Variants in COL4A2 observed in about 807,000 individuals in gnomAD.
The protein encoded by COL4A2 is collagen alpha-2(IV) chain.
Under a neutral mutation model 200.2 loss-of-function variants are expected in COL4A2, and 99 were observed. The observed-to-expected ratio is 0.49, with a 90% CI of 0.42 to 0.58. The LOEUF (loss-of-function observed/expected upper bound fraction) is 0.58. Ranked by LOEUF, COL4A2 falls within the 20% of genes least tolerant of loss-of-function variation. COL4A2 has a pLI of 0.00. For missense variants in COL4A2, 1,950 were observed against 2,314.1 expected, an observed-to-expected ratio of 0.84 and a Z score of 3.23; for synonymous variants, 897 against 900.6, an observed-to-expected ratio of 1.00 and a Z score of 0.07.
intron 3 of COL4A2, among the ~76,000 whole-genome samples, chr13:110,308,718 T>C (rs1480655793): frequency 1.3e-5 from 2 of 152,128 alleles, no homozygotes; most frequent in Admixed American, 1.3e-4. Flanking sequence ...ACTGGGATCC[T>C]GTTCGCCGAG....
At chr13:110,455,410 A>G (rs924009082) in intron 20 of COL4A2, among the ~76,000 whole-genome samples, 1 of 151,988 alleles carries the variant, frequency 6.6e-6, no homozygotes, top group Non-Finnish European at 1.5e-5. Flanking sequence ...TTGAAGCATC[A>G]CTTCCTCAGA....
chr13:110,378,218 A>C (rs761405909), intron 4 of COL4A2, among the ~76,000 whole-genome samples: 70 of 152,214 alleles, frequency 4.6e-4, no homozygotes, highest in Non-Finnish European at 2.4e-4. Flanking sequence ...ATCTCCCTTT[A>C]TTCAAGGTCT....
chr13:110,504,226 A>G lies in COL4A2; in HGVS notation c.4364A>G (p.Glu1455Gly). 1 of 1,614,056 alleles carries G rather than the reference A, an allele frequency of 6.2e-7. No individual in the cohort carries two copies. Among genetic ancestry groups the G allele is most frequent in the Non-Finnish European group, 8.5e-7 (1 of 1,180,004 alleles). The change falls in exon 45 of 48, where the codon GAA becomes GGA. Residue 1455 changes from glutamate to glycine, a missense_variant. Physicochemically the swap from Glu to Gly is moderately conservative, Grantham distance 98 (BLOSUM62 -2). Coordinates refer to ENST00000360467, the MANE Select transcript of COL4A2 (RefSeq NM_001846.4). ...GCTGTTCCCGGCTTCCGGGGAGATG[A>G]AGGACCCATAGGCCACCAGGGGCCG... The part of the protein sequence containing the change: ...VSAVPGFRGD[E>G]GPIGHQGPIG...
intron 4 of COL4A2, among the ~76,000 whole-genome samples, chr13:110,404,578 A>G (rs1464762518): frequency 6.6e-6 from 1 of 152,208 alleles, no homozygotes; most frequent in African/African-American, 2.4e-5. Flanking sequence ...CAAGGCTCAC[A>G]GGAGGGTCCC....
At chr13:110,507,580 C>T (rs904653634) in intron 46 of COL4A2, 1 of 304,176 alleles carries the variant, frequency 3.3e-6, no homozygotes, top group Non-Finnish European at 6.2e-6. Context: ...CAAAGAGCGA[C>T]CCCTTGGAGG....
intron 6 of COL4A2, among the ~76,000 whole-genome samples, 157 bp from the exon 7 acceptor site, chr13:110,428,310 A>C (rs1880543400): frequency 1.3e-5 from 2 of 152,150 alleles, no homozygotes; most frequent in African/African-American, 4.8e-5. Context: ...CACTTATTTA[A>C]TCTTTCATTC....
intron 3 of COL4A2, among the ~76,000 whole-genome samples, chr13:110,325,510 ATAG>A (rs1233702778): frequency 6.6e-6 from 1 of 152,248 alleles, no homozygotes; most frequent in East Asian, 1.9e-4. Context: ...CAGATAGATC[ATAG>A]AAGTGTCTCC....
chr13:110,424,932 T>C lies in COL4A2; in HGVS notation c.316-21T>C, dbSNP rs1038417919. 3.7e-6 allele frequency: 6 copies of C among 1,614,100 alleles called. No individual in the cohort carries two copies. The African/African-American group carries it at 4.0e-5, about 11-fold the overall frequency. ...TGGCGGGTATCTCAGCCTTGGTTAA[T>C]TGCATTTGCTTTCTTCATAGGGAGC... is the stretch of plus-strand genomic sequence containing the variant. On this transcript the variant is annotated intron_variant, in intron 5 of 47. Coordinates refer to ENST00000360467, the MANE Select transcript of COL4A2 (RefSeq NM_001846.4).
intron 41 of COL4A2, among the ~76,000 whole-genome samples, chr13:110,502,002 G>A (rs367885855): frequency 8.5e-5 from 13 of 152,328 alleles, no homozygotes; most frequent in African/African-American, 3.1e-4. Flanking sequence ...TTTACTTGCT[G>A]TAATAGCAGA....
chr13:110,407,796 G>C (rs1566516352), intron 4 of COL4A2, among the ~76,000 whole-genome samples: 1 of 152,330 alleles, frequency 6.6e-6, no homozygotes, highest in African/African-American at 2.4e-5. Flanking sequence ...GTGAGGACGG[G>C]GGACAGCAGT....
chr13:110,497,279 G>A (rs561036848), intron 40 of COL4A2, among the ~76,000 whole-genome samples: 3 of 150,900 alleles, frequency 2.0e-5, no homozygotes, highest in South Asian at 2.1e-4. Flanking sequence ...TCAGGGGTGA[G>A]GATCTAGGTC....
chr13:110,337,712 C>T (rs529164566), intron 3 of COL4A2, among the ~76,000 whole-genome samples: 2 of 152,332 alleles, frequency 1.3e-5, no homozygotes, highest in East Asian at 3.9e-4. Context: ...GTGCTGGAGG[C>T]TCTAAGAATC....
Position 110,493,094 on chromosome 13 carries a change from ATGAGTGACACCCCCATGGGTGAAATAACG to A in COL4A2, c.3563-116_3563-88del, listed in dbSNP as rs1343544087. The A allele has an allele frequency of 2.6e-5, 30 of 1,133,602 alleles. No individual in the cohort carries two copies. In the South Asian group the frequency reaches 3.5e-4, roughly 13 times the overall value. The allele number at this position is 1,133,602 out of a possible 1,614,324, so 70.2% of individuals were successfully genotyped here. On this transcript the variant is annotated intron_variant, in intron 38 of 47. Coordinates refer to ENST00000360467, the MANE Select transcript of COL4A2 (RefSeq NM_001846.4). ...TGACACCCCCATGGGTGAAATAACG[ATGAGTGACACCCCCATGGGTGAAATAACG>A]ATGAGTGACACCCCCGCAGGTGAAA... is the stretch of plus-strand genomic sequence containing the variant.
chr13:110,447,367 T>C (rs1881368565), intron 18 of COL4A2, among the ~76,000 whole-genome samples: 1 of 152,188 alleles, frequency 6.6e-6, no homozygotes, highest in South Asian at 2.1e-4. Context: ...CCCAGATATT[T>C]ACACATAACA....
At chr13:110,405,559 A>C (rs1256925341) in intron 4 of COL4A2, among the ~76,000 whole-genome samples, 1 of 147,122 alleles carries the variant, frequency 6.8e-6, no homozygotes, top group Non-Finnish European at 1.5e-5. Flanking sequence ...CACGTTAGAC[A>C]GGGGGAGAAG....
chr13:110,476,853 A>G (rs1456873294), intron 29 of COL4A2, among the ~76,000 whole-genome samples: 2 of 152,234 alleles, frequency 1.3e-5, no homozygotes, highest in East Asian at 3.8e-4. Flanking sequence ...TAAAATGAAG[A>G]GAAGAAATCA....
At chr13:110,505,866 T>A (rs2139557041) in intron 45 of COL4A2, among the ~76,000 whole-genome samples, 1 of 152,280 alleles carries the variant, frequency 6.6e-6, no homozygotes, top group Admixed American at 6.5e-5. Context: ...CCAGGCACGT[T>A]GGGCACATCC....
In COL4A2 at chr13:110,466,008, G is replaced by A; in HGVS notation, c.1984G>A (p.Asp662Asn). The change falls in exon 26 of 48, where the codon GAC becomes AAC. Residue 662 changes from aspartate (D) to asparagine (N), a missense_variant. Asp to Asn is a conservative substitution (Grantham distance 23, BLOSUM62 1). Coordinates refer to ENST00000360467, the MANE Select transcript of COL4A2 (RefSeq NM_001846.4). ...PAGTPGQIDCDTDVKRAVGGD... is the reference protein window; with the variant it reads ...PAGTPGQIDCNTDVKRAVGGD... ...TCCTTATGTCTTCCCCCCAGATTGT[G>A]ACACAGATGTGAAAAGGGCCGTTGG... The A allele has an allele frequency of 6.2e-7, 1 of 1,613,784 alleles. No homozygotes were observed. Among genetic ancestry groups the A allele is most frequent in the Non-Finnish European group, 8.5e-7 (1 of 1,179,742 alleles).
intron 4 of COL4A2, among the ~76,000 whole-genome samples, chr13:110,399,227 C>G (rs1879287673): frequency 6.6e-6 from 1 of 152,302 alleles, no homozygotes; most frequent in Non-Finnish European, 1.5e-5. Context: ...AAGGTTAAAC[C>G]ACTTGTCTAG....
Sources: gnomAD v4.1 joint callset for allele counts (sites outside exome capture counted in the v4.1 genomes callset) on GRCh38, gnomAD v4.1.1 for gene constraint, MANE v1.5 for transcripts, NCBI Gene and HGNC (gene_info 2026-07-23, HGNC 2026-07-21) for gene names.